Variants in ALDH1A2 observed in about 807,000 individuals in gnomAD.
ALDH1A2 encodes the protein aldehyde dehydrogenase 1 family member A2, also known as retinal dehydrogenase 2.
In ALDH1A2, 27 loss-of-function variants were observed where a neutral mutation model predicts 60.3. The ratio of observed to expected loss-of-function variants is 0.45; its 90% CI spans 0.33 to 0.62. The LOEUF (loss-of-function observed/expected upper bound fraction) is 0.62. Ranked by LOEUF, ALDH1A2 falls within the 20% of genes least tolerant of loss-of-function variation. The probability of loss-of-function intolerance (pLI) is 0.02; values close to 1 mark genes in which losing one functional copy is unlikely to be tolerated. For synonymous variants in ALDH1A2, 289 were observed against 232.4 expected (o/e 1.24, Z -2.21); for missense variants, 581 against 643.8 (o/e 0.90, Z 1.06).
chr15:57,967,403 G>T (rs1327035406), intron 7 of ALDH1A2, among the ~76,000 whole-genome samples: 1 of 152,132 alleles, frequency 6.6e-6, no homozygotes, highest in Non-Finnish European at 1.5e-5. Flanking sequence ...AGAAGCTGGG[G>T]CCTCCCTTTT....
At chr15:58,033,599 T>A (rs1274458504) in intron 1 of ALDH1A2, among the ~76,000 whole-genome samples, 1 of 151,662 alleles carries the variant, frequency 6.6e-6, no homozygotes, top group Non-Finnish European at 1.5e-5. Flanking sequence ...AATTATTTTA[T>A]ACCAAAAAAA....
At chr15:57,961,369 T>G in intron 10 of ALDH1A2, 75 bp from the exon 11 acceptor site, 1 of 1,540,316 alleles carries the variant, frequency 6.5e-7, no homozygotes, top group Non-Finnish European at 8.9e-7. Flanking sequence ...CAATGCAAGT[T>G]TACTCTGCCT....
At chr15:58,062,903 C>A (rs1897080045) in intron 1 of ALDH1A2, among the ~76,000 whole-genome samples, 1 of 152,126 alleles carries the variant, frequency 6.6e-6, no homozygotes, top group South Asian at 2.1e-4. Flanking sequence ...ATGAGTTTAG[C>A]CCTTTCAACA....
chr15:58,034,491 A>T (rs1279860687), intron 1 of ALDH1A2, among the ~76,000 whole-genome samples: 1 of 151,702 alleles, frequency 6.6e-6, no homozygotes, highest in Non-Finnish European at 1.5e-5. Flanking sequence ...TAGAACTTCT[A>T]GTATAATCTT....
intron 12 of ALDH1A2, among the ~76,000 whole-genome samples, chr15:57,957,976 G>GTGTT (rs1893587807): frequency 1.3e-5 from 2 of 152,092 alleles, no homozygotes; most frequent in African/African-American, 4.8e-5. Context: ...GTGGATCCCA[G>GTGTT]TGTTTGGGTG....
intron 1 of ALDH1A2, among the ~76,000 whole-genome samples, chr15:58,045,652 C>G (rs1896620315): frequency 6.6e-6 from 1 of 151,984 alleles, no homozygotes; most frequent in African/African-American, 2.4e-5. Flanking sequence ...GAACAGAAAA[C>G]CAAACACCGC....
intron 10 of ALDH1A2, 22 bp from the exon 11 acceptor site, chr15:57,961,316 C>T (rs768085641): frequency 6.2e-7 from 1 of 1,612,252 alleles, no homozygotes; most frequent in South Asian, 1.1e-5. Context: ...TAATATGACT[C>T]AACATGGTTG....
At chr15:58,054,621 G>A (rs1896851645) in intron 1 of ALDH1A2, among the ~76,000 whole-genome samples, 1 of 152,046 alleles carries the variant, frequency 6.6e-6, no homozygotes, top group Admixed American at 6.6e-5. Context: ...TTATAGCCCA[G>A]TTACACAAAA....
At chr15:58,056,273 T>A (rs1031771904) in intron 1 of ALDH1A2, among the ~76,000 whole-genome samples, 8 of 152,066 alleles carry the variant, frequency 5.3e-5, no homozygotes, top group African/African-American at 1.9e-4. Context: ...TAGTTTCTCC[T>A]ATTTTCCCAT....
chr15:57,961,973 A>G, intron 10 of ALDH1A2, 39 bp downstream of exon 10: 3 of 1,610,420 alleles, frequency 1.9e-6, no homozygotes, highest in Non-Finnish European at 2.5e-6. Context: ...AATGATCCCA[A>G]GAAAGATGTG....
chr15:57,985,861 G>C (rs1396251208), intron 7 of ALDH1A2, among the ~76,000 whole-genome samples: 8 of 152,056 alleles, frequency 5.3e-5, no homozygotes, highest in Admixed American at 5.2e-4. Context: ...TCAGCTCAAA[G>C]ATGAAAAAGG....
intron 7 of ALDH1A2, among the ~76,000 whole-genome samples, chr15:57,990,867 C>G (rs1335315433): frequency 8.5e-6 from 1 of 117,532 alleles, no homozygotes; most frequent in Non-Finnish European, 1.9e-5. Context: ...AAGAGTGAAA[C>G]TCCATCTCAA....
chr15:58,013,476 C>G (rs1895695187), intron 3 of ALDH1A2, among the ~76,000 whole-genome samples: 1 of 152,160 alleles, frequency 6.6e-6, no homozygotes, highest in African/African-American at 2.4e-5. Context: ...CCAAACATGT[C>G]TCATTTTTCA....
intron 4 of ALDH1A2, among the ~76,000 whole-genome samples, chr15:58,006,680 A>AT (rs1412049903): frequency 1.5e-5 from 2 of 135,374 alleles, no homozygotes; most frequent in African/African-American, 2.6e-5. Flanking sequence ...GCCAACATCT[A>AT]TTTTTTTTAT....
At chr15:58,015,321 G>T (rs1219237626) in intron 1 of ALDH1A2, among the ~76,000 whole-genome samples, 1 of 152,130 alleles carries the variant, frequency 6.6e-6, no homozygotes, top group African/African-American at 2.4e-5. Flanking sequence ...TCTAGAAAAT[G>T]TCCCAAAGCT....
chr15:57,992,626 G>A (rs1433536580), intron 7 of ALDH1A2, 79 bp downstream of exon 7: 6 of 1,307,872 alleles, frequency 4.6e-6, no homozygotes, highest in East Asian at 2.3e-5. Flanking sequence ...TAGCCTATGG[G>A]TACTAGTTTT....
At chr15:58,017,372 T>C (rs557407657) in intron 1 of ALDH1A2, among the ~76,000 whole-genome samples, 1 of 152,332 alleles carries the variant, frequency 6.6e-6, no homozygotes, top group Non-Finnish European at 1.5e-5. Flanking sequence ...ACAGACATTA[T>C]GTAGAAATTT....
At chr15:58,040,686 T>C (rs1233452565) in intron 1 of ALDH1A2, among the ~76,000 whole-genome samples, 1 of 151,956 alleles carries the variant, frequency 6.6e-6, no homozygotes, top group Non-Finnish European at 1.5e-5. Context: ...AAGATCTATA[T>C]TCTATTAGGC....
chr15:57,969,185 A>T (rs144898227), intron 7 of ALDH1A2, among the ~76,000 whole-genome samples: 1 of 152,342 alleles, frequency 6.6e-6, no homozygotes, highest in Non-Finnish European at 1.5e-5. Context: ...CATTCAACAC[A>T]TATTCATAGT....
Sources: gnomAD v4.1 joint callset for allele counts (sites outside exome capture counted in the v4.1 genomes callset) on GRCh38, gnomAD v4.1.1 for gene constraint, MANE v1.5 for transcripts, NCBI Gene and HGNC (gene_info 2026-07-23, HGNC 2026-07-21) for gene names.